The following FNIP1 variants were observed in gnomAD, a reference collection of about 807,000 sequenced individuals.
FNIP1 encodes folliculin interacting protein 1, also known as folliculin-interacting protein 1.
Under a neutral mutation model 124.5 loss-of-function variants are expected in FNIP1, and 40 were observed. The observed-to-expected ratio is 0.32, with a 90% CI of 0.25 to 0.42. The LOEUF (loss-of-function observed/expected upper bound fraction) is 0.42. FNIP1 is among the 10% of genes least tolerant of loss of function. The pLI, the probability that FNIP1 is intolerant of heterozygous loss-of-function variation, is 1.00. For synonymous variants in FNIP1, 472 were observed against 470.6 expected, an observed-to-expected ratio of 1.00 and a Z score of -0.04; for missense variants, 1,176 against 1,403.7, an observed-to-expected ratio of 0.84 and a Z score of 2.59.
chr5:131,750,609 CTTCT>C (rs996295101), intron 1 of FNIP1, among the ~76,000 whole-genome samples: 9 of 149,484 alleles, frequency 6.0e-5, no homozygotes, highest in East Asian at 2.0e-4. Flanking sequence ...ATATTCTTCC[CTTCT>C]TTCTTTTTTT....
intron 1 of FNIP1, among the ~76,000 whole-genome samples, chr5:131,790,986 A>T (rs1180414995): frequency 6.6e-6 from 1 of 152,254 alleles, no homozygotes; most frequent in Non-Finnish European, 1.5e-5. Context: ...AAGAAACAGA[A>T]GTCAACCTAA....
intron 1 of FNIP1, among the ~76,000 whole-genome samples, chr5:131,765,187 A>C (rs1771377611): frequency 6.6e-6 from 1 of 151,928 alleles, no homozygotes; most frequent in South Asian, 2.1e-4. Context: ...ATGTTACTGC[A>C]CTCCAGCCTG....
chr5:131,659,908 G>A (rs1319676159), intron 15 of FNIP1, among the ~76,000 whole-genome samples: 1 of 152,150 alleles, frequency 6.6e-6, no homozygotes, highest in African/African-American at 2.4e-5. Context: ...ATGCTCCATG[G>A]GGTACTTCAG....
chr5:131,658,907 CAAAAAAAAAAAAAAAAAA>C (rs70974003), intron 15 of FNIP1, among the ~76,000 whole-genome samples: 3 of 41,166 alleles, frequency 7.3e-5, no homozygotes, highest in Non-Finnish European at 1.2e-4. Flanking sequence ...TGGGTCTAGC[CAAAAAAAAAAAAAAAAAA>C]AAAAAAAAAA....
intron 15 of FNIP1, among the ~76,000 whole-genome samples, chr5:131,653,901 C>A (rs1767117173): frequency 6.6e-6 from 1 of 152,062 alleles, no homozygotes; most frequent in Non-Finnish European, 1.5e-5. Context: ...GCCACCACGC[C>A]CGGCTAATTT....
intron 2 of FNIP1, among the ~76,000 whole-genome samples, chr5:131,736,641 T>C (rs1235613987): frequency 6.6e-6 from 1 of 152,226 alleles, no homozygotes; most frequent in Non-Finnish European, 1.5e-5. Flanking sequence ...CGAATCCTAT[T>C]GTGAACTGTG....
intron 11 of FNIP1, among the ~76,000 whole-genome samples, chr5:131,690,361 T>G (rs1357095303): frequency 6.6e-6 from 1 of 152,178 alleles, no homozygotes; most frequent in Non-Finnish European, 1.5e-5. Context: ...AAATCTCATC[T>G]TGAATTGTAA....
chr5:131,715,735 T>C (rs1263943190), intron 6 of FNIP1, among the ~76,000 whole-genome samples: 1 of 152,144 alleles, frequency 6.6e-6, no homozygotes, highest in Admixed American at 6.5e-5. Flanking sequence ...AGGTGTTTTA[T>C]AAGTGATTGC....
chr5:131,750,306 A>G (rs917940798), intron 1 of FNIP1, among the ~76,000 whole-genome samples: 2 of 152,188 alleles, frequency 1.3e-5, no homozygotes, highest in Non-Finnish European at 2.9e-5. Context: ...TGCTGAAAAA[A>G]CGCAAAGAAG....
chr5:131,703,058 T>C (rs114651064), intron 10 of FNIP1, among the ~76,000 whole-genome samples: 2 of 152,202 alleles, frequency 1.3e-5, no homozygotes, highest in Admixed American at 1.3e-4. Context: ...TATGCAAATA[T>C]AAAATACCCA....
rs79297263 is a variant in FNIP1 at position 131,739,274 on chromosome 5, G to A, written c.219+5290C>T. 5.1e-4 allele frequency among the ~76,000 whole-genome samples: 77 copies of A among 152,276 alleles called. No homozygotes were observed. The East Asian group carries it at 0.014, about 28-fold the overall frequency. ...AATCCAAATTAAGGCTGGGCACAGTGACTCATGCTTGAGCCCAAGAGTTTG... is the reference window on the plus strand; with the variant it reads ...AATCCAAATTAAGGCTGGGCACAGTAACTCATGCTTGAGCCCAAGAGTTTG... On this transcript the variant is annotated intron_variant, in intron 2 of 17. Transcript: ENST00000510461.
At chr5:131,652,121 A>G (rs1009716196) in intron 15 of FNIP1, 122 bp from the exon 16 acceptor site, 27 of 793,732 alleles carry the variant, frequency 3.4e-5, no homozygotes, top group Non-Finnish European at 4.9e-5. Flanking sequence ...CAATATTTCA[A>G]TATCTCCTTG....
At chr5:131,775,084 C>T (rs1004292985) in intron 1 of FNIP1, among the ~76,000 whole-genome samples, 4 of 152,148 alleles carry the variant, frequency 2.6e-5, no homozygotes, top group African/African-American at 9.7e-5. Context: ...GCTAGTTTCA[C>T]GGAAGCATAT....
At chr5:131,656,144 G>T (rs1767186284) in intron 15 of FNIP1, among the ~76,000 whole-genome samples, 1 of 152,156 alleles carries the variant, frequency 6.6e-6, no homozygotes, top group East Asian at 1.9e-4. Flanking sequence ...ATCATGGTTA[G>T]TGTGATACAG....
intron 1 of FNIP1, among the ~76,000 whole-genome samples, chr5:131,758,851 T>C (rs1771133993): frequency 6.6e-6 from 1 of 151,848 alleles, no homozygotes; most frequent in Non-Finnish European, 1.5e-5. Flanking sequence ...GCAAGATCAC[T>C]TCCAAGAGGG....
chr5:131,703,765 T>G (rs1768982429), intron 10 of FNIP1, among the ~76,000 whole-genome samples: 1 of 152,270 alleles, frequency 6.6e-6, no homozygotes, highest in South Asian at 2.1e-4. Flanking sequence ...TTCATATGTT[T>G]ATTTGTCCCA....
chr5:131,745,343 A>G (rs1770641480), intron 1 of FNIP1, among the ~76,000 whole-genome samples: 1 of 152,116 alleles, frequency 6.6e-6, no homozygotes. Flanking sequence ...ACATAGTGAG[A>G]CCCTGTCTCT....
chr5:131,658,608 T>G (rs1225116910), intron 15 of FNIP1, among the ~76,000 whole-genome samples: 1 of 151,642 alleles, frequency 6.6e-6, no homozygotes, highest in Admixed American at 6.6e-5. Flanking sequence ...AATAAAAAAG[T>G]ATTAAGGTGA....
chr5:131,754,947 T>C (rs1580812758), intron 1 of FNIP1, among the ~76,000 whole-genome samples: 3 of 152,180 alleles, frequency 2.0e-5, no homozygotes, highest in Non-Finnish European at 4.4e-5. Context: ...GAAGACTATA[T>C]GGGGAATAAA....
Sources: gnomAD v4.1 joint callset for allele counts (sites outside exome capture counted in the v4.1 genomes callset) on GRCh38, gnomAD v4.1.1 for gene constraint, MANE v1.5 for transcripts, NCBI Gene and HGNC (gene_info 2026-07-23, HGNC 2026-07-21) for gene names.